The following ASAP2 variants were observed in gnomAD, a reference collection of about 807,000 sequenced individuals.
ASAP2 encodes the protein ArfGAP with SH3 domain, ankyrin repeat and PH domain 2.
A neutral mutation model predicts 131.4 loss-of-function variants in ASAP2; 45 were observed. The ratio of observed to expected loss-of-function variants is 0.34; its 90% CI spans 0.27 to 0.44. The LOEUF is 0.44. Among genes scored for constraint, ASAP2 ranks in the 20% least tolerant of loss-of-function variants. ASAP2 has a pLI of 1.00. For missense variants in ASAP2, 1,011 were observed against 1,297.0 expected (o/e 0.78, Z 3.39); for synonymous variants, 510 against 503.0 (o/e 1.01, Z -0.19).
chr2:9,244,135 AC>A (rs1424258681), intron 1 of ASAP2, among the ~76,000 whole-genome samples: 1 of 152,038 alleles, frequency 6.6e-6, no homozygotes, highest in Non-Finnish European at 1.5e-5. Context: ...CCCCTTCTCT[AC>A]CAAAAAAACC....
At chr2:9,209,227 C>T (rs1049831487) in intron 1 of ASAP2, among the ~76,000 whole-genome samples, 45 of 152,282 alleles carry the variant, frequency 3.0e-4, no homozygotes, top group African/African-American at 1.1e-3. Context: ...TCACTTTAAG[C>T]AAATCTACAT....
chr2:9,344,044 T>C (rs1175493058), intron 9 of ASAP2, among the ~76,000 whole-genome samples: 1 of 152,226 alleles, frequency 6.6e-6, no homozygotes, highest in East Asian at 1.9e-4. Context: ...TTACTGTTTA[T>C]TGGCCTTACT....
intron 14 of ASAP2, among the ~76,000 whole-genome samples, chr2:9,358,021 T>C (rs1054970116): frequency 6.6e-6 from 1 of 152,290 alleles, no homozygotes; most frequent in African/African-American, 2.4e-5. Context: ...AAATGTATGG[T>C]AGGTCATGTT....
At chr2:9,224,051 C>G (rs1031688688) in intron 1 of ASAP2, among the ~76,000 whole-genome samples, 7 of 152,176 alleles carry the variant, frequency 4.6e-5, no homozygotes. Flanking sequence ...AAATTAATTT[C>G]TGTAGAACAA....
intron 19 of ASAP2, among the ~76,000 whole-genome samples, chr2:9,380,000 A>G (rs991645288): frequency 6.7e-6 from 1 of 150,060 alleles, no homozygotes; most frequent in Non-Finnish European, 1.5e-5. Flanking sequence ...CAAAAAAAAA[A>G]AAATAAATAA....
At chr2:9,307,950 G>T (rs1412025676) in intron 3 of ASAP2, among the ~76,000 whole-genome samples, 1 of 152,144 alleles carries the variant, frequency 6.6e-6, no homozygotes, top group Non-Finnish European at 1.5e-5. Context: ...GTGCTTGTCT[G>T]TGTGCATGCA....
intron 11 of ASAP2, chr2:9,350,549 C>T (rs553982903): frequency 2.8e-4 from 100 of 354,018 alleles, no homozygotes; most frequent in East Asian, 1.6e-3. Context: ...AAGCTGGCAT[C>T]GCTTGTCCTC....
rs748233938 is a variant in ASAP2 at position 9,279,500 on chromosome 2, C to T, written c.199+111C>T. 2.1e-4 allele frequency: 200 copies of T among 972,108 alleles called. No individual in the cohort carries two copies. The Middle Eastern group carries it at 2.7e-3, about 13-fold the overall frequency. The allele number at this position is 972,108 out of a possible 1,614,324, so 60.2% of individuals were successfully genotyped here. A position where few individuals can be genotyped will look rare whatever the true frequency, so the allele number is the denominator to read the frequency against. On this transcript the variant is annotated intron_variant, in intron 2 of 27. Coordinates refer to ENST00000281419, the MANE Select transcript of ASAP2 (RefSeq NM_003887.3). ...AAATGAGCCAGCTAGACTCCTTTATCGGGGCATGCAGATCACAGAGGTGAG... is the reference window on the plus strand; with the variant it reads ...AAATGAGCCAGCTAGACTCCTTTATTGGGGCATGCAGATCACAGAGGTGAG...
In ASAP2 at chr2:9,207,164, G is replaced by T. The variant is rs1296317191; in HGVS notation, c.60G>T (p.Ala20=). The change falls in exon 1 of 28, where the codon GCG becomes GCT. Residue 20 remains alanine (A), a synonymous_variant. Transcript: ENST00000281419. This position sits in a 1 kb window ranked among gnomAD's most constrained non-coding sequence, Gnocchi z 4.1. ...CCGAGACCCATGAGGACTACAAGGC[G>T]CCCACGGCCTCCAGCTTCACCACCC... ...FVAETHEDYK[A]PTASSFTTRT... 6.2e-7 allele frequency: 1 copy of T among 1,605,592 alleles called. No individual in the cohort carries two copies.
chr2:9,353,390 C>A (rs1672476139), intron 12 of ASAP2, among the ~76,000 whole-genome samples: 1 of 151,936 alleles, frequency 6.6e-6, no homozygotes, highest in African/African-American at 2.4e-5. Flanking sequence ...CATAGCAAGA[C>A]CTACAAAAAA....
At chr2:9,320,619 G>A (rs1431314694) in intron 5 of ASAP2, among the ~76,000 whole-genome samples, 1 of 152,166 alleles carries the variant, frequency 6.6e-6, no homozygotes, top group Non-Finnish European at 1.5e-5. Flanking sequence ...ATTTCTCTTA[G>A]GAGGTATTTC....
At chr2:9,291,260 C>T (rs1197845149) in intron 2 of ASAP2, among the ~76,000 whole-genome samples, 1 of 152,134 alleles carries the variant, frequency 6.6e-6, no homozygotes, top group African/African-American at 2.4e-5. Flanking sequence ...GTGGGATTAT[C>T]CAGAAGAATG....
At chr2:9,221,476 C>A (rs1662418483) in intron 1 of ASAP2, among the ~76,000 whole-genome samples, 1 of 151,836 alleles carries the variant, frequency 6.6e-6, no homozygotes, top group South Asian at 2.1e-4. Context: ...TCTTTAATTT[C>A]TTTCAGTAAT....
intron 1 of ASAP2, among the ~76,000 whole-genome samples, chr2:9,239,767 C>T (rs1242240471): frequency 6.6e-5 from 10 of 151,870 alleles, no homozygotes; most frequent in African/African-American, 1.5e-4. Context: ...CTCACTGTGT[C>T]GCCCAGGCTG....
intron 1 of ASAP2, among the ~76,000 whole-genome samples, chr2:9,237,658 G>C (rs545348252): frequency 6.6e-6 from 1 of 152,136 alleles, no homozygotes; most frequent in South Asian, 2.1e-4. Flanking sequence ...GGGCTCAAGA[G>C]ATCCTCCTGC....
chr2:9,298,359 CAT>C (rs1461341164), intron 3 of ASAP2, among the ~76,000 whole-genome samples: 7 of 152,346 alleles, frequency 4.6e-5, no homozygotes, highest in African/African-American at 1.7e-4. Context: ...GGGAGCATCA[CAT>C]GTGAGTTCCT....
intron 1 of ASAP2, among the ~76,000 whole-genome samples, chr2:9,256,704 A>G (rs1353659523): frequency 1.3e-5 from 2 of 152,250 alleles, no homozygotes; most frequent in Non-Finnish European, 2.9e-5. Context: ...TTTCAAATGA[A>G]TGAAAACAGC....
chr2:9,375,389 G>A (rs1674325045), intron 17 of ASAP2, among the ~76,000 whole-genome samples: 1 of 152,166 alleles, frequency 6.6e-6, no homozygotes, highest in South Asian at 2.1e-4. Context: ...GGGTACTGGG[G>A]TAGAATAAAC....
intron 16 of ASAP2, among the ~76,000 whole-genome samples, chr2:9,372,163 T>C (rs947849455): frequency 1.3e-5 from 2 of 152,132 alleles, no homozygotes; most frequent in African/African-American, 4.8e-5. Flanking sequence ...ACAGTGATGA[T>C]TGAAAGTGCA....
Sources: gnomAD v4.1 joint callset for allele counts (sites outside exome capture counted in the v4.1 genomes callset) on GRCh38, gnomAD v4.1.1 for gene constraint, Gnocchi (gnomAD v3.1) non-coding constraint, MANE v1.5 for transcripts, NCBI Gene and HGNC (gene_info 2026-07-23, HGNC 2026-07-21) for gene names.